Variants in INPP4B observed in about 807,000 individuals in gnomAD.
INPP4B encodes inositol polyphosphate 4-phosphatase type II.
Under a neutral mutation model 122.5 loss-of-function variants are expected in INPP4B, and 55 were observed. The observed-to-expected ratio is 0.45, with a 90% CI of 0.36 to 0.56. INPP4B has a LOEUF of 0.56. INPP4B is among the 20% of genes least tolerant of loss of function. The probability of loss-of-function intolerance (pLI) is 0.00; values close to 1 mark genes in which losing one functional copy is unlikely to be tolerated. For missense variants in INPP4B, 1,000 were observed against 1,097.7 expected, an observed-to-expected ratio of 0.91 and a Z score of 1.26; for synonymous variants, 403 against 388.7, an observed-to-expected ratio of 1.04 and a Z score of -0.43.
intron 1 of INPP4B, among the ~76,000 whole-genome samples, chr4:142,765,681 G>A (rs1367070707): frequency 6.6e-6 from 1 of 152,124 alleles, no homozygotes; most frequent in African/African-American, 2.4e-5. Context: ...ACTTCTAAGG[G>A]AGATATCGGT....
At chr4:142,215,892 CAAAAAAAA>C (rs200657873) in intron 12 of INPP4B, among the ~76,000 whole-genome samples, 6 of 54,572 alleles carry the variant, frequency 1.1e-4, no homozygotes, top group African/African-American at 3.0e-4. Context: ...GACTCTGTCT[CAAAAAAAA>C]AAAAAAAAAA....
Position 142,121,020 on chromosome 4 carries a change from AC to A in INPP4B, c.2135+1107del, listed in dbSNP as rs1306964957. Among the ~76,000 whole-genome samples, 12 of 152,190 alleles carry A rather than the reference AC, an allele frequency of 7.9e-5. No homozygotes were observed. In the East Asian group the frequency reaches 1.9e-3, roughly 25 times the overall value. The stretch of plus-strand genomic sequence containing the variant: ...AACTTCCTCAGAAAAAGCATGCTGT[AC>A]TCTGCCTACACTAAATGGCCTGGTA... On this transcript the variant is annotated intron_variant, in intron 21 of 25. Coordinates refer to ENST00000262992, the MANE Select transcript of INPP4B (RefSeq NM_001101669.3).
chr4:142,310,563 G>A (rs1765131335), intron 8 of INPP4B, among the ~76,000 whole-genome samples: 2 of 152,022 alleles, frequency 1.3e-5, no homozygotes, highest in East Asian at 1.9e-4. Flanking sequence ...CAACACATAG[G>A]AACTATGGTA....
chr4:142,314,381 G>A (rs544910697), intron 8 of INPP4B, among the ~76,000 whole-genome samples: 3 of 152,194 alleles, frequency 2.0e-5, no homozygotes, highest in East Asian at 3.9e-4. Context: ...TCCTGAAGCG[G>A]TAGAGATCAC....
chr4:142,635,541 A>T (rs1748948155), intron 2 of INPP4B, among the ~76,000 whole-genome samples: 1 of 152,160 alleles, frequency 6.6e-6, no homozygotes, highest in South Asian at 2.1e-4. Flanking sequence ...AAAGAACAAG[A>T]TCGTGTCTTT....
intron 2 of INPP4B, among the ~76,000 whole-genome samples, chr4:142,649,897 C>G (rs1752581415): frequency 6.6e-6 from 1 of 152,072 alleles, no homozygotes; most frequent in South Asian, 2.1e-4. Flanking sequence ...GGAGAGCAAC[C>G]TCAAGACACA....
intron 16 of INPP4B, among the ~76,000 whole-genome samples, chr4:142,169,669 C>T (rs1824571087): frequency 6.6e-6 from 1 of 151,598 alleles, no homozygotes; most frequent in South Asian, 2.1e-4. Flanking sequence ...ATGAGAATTT[C>T]TCAAATACGC....
chr4:142,289,970 T>C (rs1755633465), intron 9 of INPP4B, among the ~76,000 whole-genome samples: 1 of 152,012 alleles, frequency 6.6e-6, no homozygotes, highest in South Asian at 2.1e-4. Context: ...CCACCATCAC[T>C]CCTCCCTTGA....
At chr4:142,384,842 A>G (rs1795424524) in intron 7 of INPP4B, among the ~76,000 whole-genome samples, 1 of 151,952 alleles carries the variant, frequency 6.6e-6, no homozygotes, top group African/African-American at 2.4e-5. Flanking sequence ...CCCACCCTCA[A>G]CCATGTGGTA....
intron 17 of INPP4B, among the ~76,000 whole-genome samples, chr4:142,156,417 C>G (rs1009273122): frequency 2.0e-5 from 3 of 152,108 alleles, no homozygotes; most frequent in Non-Finnish European, 4.4e-5. Flanking sequence ...GGAATCCCAG[C>G]TGCTGGAAGC....
At chr4:142,532,876 C>T (rs937802417) in intron 2 of INPP4B, among the ~76,000 whole-genome samples, 2 of 152,130 alleles carry the variant, frequency 1.3e-5, no homozygotes, top group African/African-American at 4.8e-5. Context: ...CATTCATCTG[C>T]TCACCTACTG....
At position 142,757,358 on chromosome 4, in the gene INPP4B, A is replaced by G. The variant is rs530100198; in HGVS notation, c.-253-31457T>C. Among the ~76,000 whole-genome samples, 24 of 152,236 alleles carry G rather than the reference A, an allele frequency of 1.6e-4. No individual in the cohort carries two copies. The South Asian group carries it at 5.0e-3, about 32-fold the overall frequency. On this transcript the variant is annotated intron_variant, in intron 1 of 25. Transcript: ENST00000262992. ...GTACATTCTATGGGTTTTGACATAT[A>G]TGTGATGACATATACCTACCATTGC... is the stretch of plus-strand genomic sequence containing the variant.
chr4:142,717,907 C>CAAAAA (rs33932611), intron 2 of INPP4B, among the ~76,000 whole-genome samples: 10 of 58,524 alleles, frequency 1.7e-4, no homozygotes, highest in Admixed American at 6.0e-4. Context: ...AAAAAGAAAG[C>CAAAAA]AAAAAAAAAA....
rs962092702 is a variant in INPP4B at position 142,028,410 on chromosome 4, C to G, written c.*372G>C. On this transcript the variant is annotated 3_prime_UTR_variant, in exon 26 of 26. Transcript: ENST00000262992. ...GTTCCTTTTCCCCCTCTCCTCTCTT[C>G]CATTTGGTTGGAGAGTGGTGCTCTG... 1.2e-5 allele frequency: 3 copies of G among 243,822 alleles called. No individual in the cohort carries two copies. Among genetic ancestry groups the G allele is most frequent in the Non-Finnish European group, 2.4e-5 (3 of 125,696 alleles). The allele number at this position is 243,822 out of a possible 1,614,324, so 15.1% of individuals were successfully genotyped here. A position where few individuals can be genotyped will look rare whatever the true frequency, so the allele number is the denominator to read the frequency against.
At chr4:142,503,069 G>A (rs539456390) in intron 2 of INPP4B, among the ~76,000 whole-genome samples, 2 of 152,208 alleles carry the variant, frequency 1.3e-5, no homozygotes, top group South Asian at 2.1e-4. Flanking sequence ...TTTACCAGCC[G>A]AGATATCCAT....
rs76676816 is a variant in INPP4B at position 142,774,688 on chromosome 4, T to C, written c.-253-48787A>G. On this transcript the variant is annotated intron_variant, in intron 1 of 25. Coordinates refer to ENST00000262992, the MANE Select transcript of INPP4B (RefSeq NM_001101669.3). ...CCAGAGTTATTTATTGATTTTGTCT[T>C]CTGCACATCATGTTTGTCTCTTTTT... Among the ~76,000 whole-genome samples, 1,131 of 152,206 alleles carry C rather than the reference T, an allele frequency of 7.4e-3. 18 individuals are homozygous for C. Among genetic ancestry groups the C allele is most frequent in the African/African-American group, 0.025 (1,055 of 41,482 alleles).
At chr4:142,408,088 C>A (rs1460346547) in intron 5 of INPP4B, among the ~76,000 whole-genome samples, 1 of 152,068 alleles carries the variant, frequency 6.6e-6, no homozygotes, top group Admixed American at 6.5e-5. Context: ...TAAGGTGAAA[C>A]CTATTCACAT....
chr4:142,701,103 C>T (rs1420812975), intron 2 of INPP4B, among the ~76,000 whole-genome samples: 1 of 151,908 alleles, frequency 6.6e-6, no homozygotes, highest in Admixed American at 6.6e-5. Flanking sequence ...GTAGGAATCA[C>T]AGAAAAGTTT....
intron 2 of INPP4B, among the ~76,000 whole-genome samples, chr4:142,659,878 C>A (rs1367478313): frequency 6.6e-6 from 1 of 151,018 alleles, no homozygotes. Context: ...ATCCATGCAA[C>A]CCCACCCCCA....
Sources: allele counts gnomAD v4.1 joint callset (sites outside exome capture counted in the v4.1 genomes callset), GRCh38; gene constraint gnomAD v4.1.1; transcripts MANE v1.5; gene names NCBI Gene and HGNC (gene_info 2026-07-23, HGNC 2026-07-21).